SH3TC2: variants seen among roughly 807,000 people sequenced by gnomAD.
SH3TC2 encodes SH3 domain and tetratricopeptide repeat-containing protein 2.
Under a neutral mutation model 124.5 loss-of-function variants are expected in SH3TC2, and 87 were observed. The observed-to-expected ratio is 0.70, with a 90% CI of 0.59 to 0.84. SH3TC2 has a LOEUF of 0.84. SH3TC2 is among the 40% of genes least tolerant of loss of function. The pLI is 0.00. For missense variants in SH3TC2, 1,536 were observed against 1,566.4 expected, an observed-to-expected ratio of 0.98 and a Z score of 0.33; for synonymous variants, 634 against 628.5, an observed-to-expected ratio of 1.01 and a Z score of -0.13.
chr5:148,999,371 C>T lies in SH3TC2; in HGVS notation c.*5340G>A, dbSNP rs748113593. 9.2e-5 allele frequency among the ~76,000 whole-genome samples: 14 copies of T among 152,198 alleles called. No individual in the cohort carries two copies. Among genetic ancestry groups the T allele is most frequent in the Non-Finnish European group, 1.9e-4 (13 of 68,048 alleles). The stretch of plus-strand genomic sequence containing the variant: ...AAGTTAATTAATTTGCAGAAGGTCA[C>T]ACAGCTAGTAAGAAACAGATTCTAA... On this transcript the variant is annotated 3_prime_UTR_variant, in exon 17 of 17. Transcript: ENST00000515425.
At position 149,007,072 on chromosome 5, in the gene SH3TC2, G is replaced by A; in HGVS notation, c.3484C>T (p.Gln1162Ter). The change falls in exon 16 of 17, where the codon CAG becomes TAG. Residue 1162 changes from glutamine (Q) to a stop codon, truncating the protein, a stop_gained. Coordinates refer to ENST00000515425, the MANE Select transcript of SH3TC2 (RefSeq NM_024577.4). LOFTEE classifies it high-confidence loss of function. ...AARLSTVTGD[Q>*]RQELVAFHRL... is the part of the protein sequence containing the mutation. ...TGAAAGGCCACCAGCTCTTGCCTCT[G>A]ATCTCCTAAGAATTGGAAGACTGAG... 1 of 1,614,106 alleles carries A rather than the reference G, an allele frequency of 6.2e-7. No homozygotes were observed. The highest frequency in any genetic ancestry group is 8.5e-7 in the Non-Finnish European group (1 of 1,179,972).
chr5:149,040,710 G>A lies in SH3TC2; in HGVS notation c.732-33C>T, dbSNP rs1016010368. 10 of 1,589,512 alleles carry A rather than the reference G, an allele frequency of 6.3e-6. No individual in the cohort carries two copies. The Admixed American group carries it at 8.3e-5, about 13-fold the overall frequency. ...TGAAAACATGGGGTTTGCAAACACA[G>A]ATTTCAAAAAATTGCAACAATGAAC... On this transcript the variant is annotated intron_variant, in intron 6 of 16. Transcript: ENST00000515425.
At chr5:149,048,251 G>A (rs1040756238) in intron 2 of SH3TC2, among the ~76,000 whole-genome samples, 5 of 152,112 alleles carry the variant, frequency 3.3e-5, no homozygotes, top group South Asian at 4.1e-4. Context: ...TGCTTTGTAC[G>A]GGGTTTATTC....
chr5:149,019,544 A>G (rs1240640807), intron 12 of SH3TC2, among the ~76,000 whole-genome samples: 2 of 152,214 alleles, frequency 1.3e-5, no homozygotes, highest in Admixed American at 6.5e-5. Flanking sequence ...TTAAAACTAT[A>G]AACTATTCAA....
rs1018335769 is a variant in SH3TC2 at position 148,992,605 on chromosome 5, T to G, written c.*12106A>C. On this transcript the variant is annotated 3_prime_UTR_variant, in exon 17 of 17. Coordinates refer to ENST00000515425, the MANE Select transcript of SH3TC2 (RefSeq NM_024577.4). Reference sequence around the variant, plus strand: ...TCCAAGAAGAGATTTCATTGGTTTTTTTTTTTTTTTTTTTTTTCAGATTTT... The same window carrying G: ...TCCAAGAAGAGATTTCATTGGTTTTGTTTTTTTTTTTTTTTTTCAGATTTT... Among the ~76,000 whole-genome samples, 115 of 122,104 alleles carry G rather than the reference T, an allele frequency of 9.4e-4. No individual in the cohort carries two copies. The highest frequency in any genetic ancestry group is 3.7e-3 in the African/African-American group (110 of 29,474). 80.1% of individuals were successfully genotyped at this position (122,104 alleles called of 152,430 possible).
intron 13 of SH3TC2, among the ~76,000 whole-genome samples, chr5:149,011,864 A>C (rs1047586553): frequency 2.0e-5 from 3 of 152,250 alleles, no homozygotes; most frequent in Admixed American, 1.3e-4. Flanking sequence ...TACAGATAGT[A>C]ATAAAACACT....
At chr5:149,007,154 AC>A in intron 15 of SH3TC2, 77 bp from the exon 16 acceptor site, 1 of 1,463,550 alleles carries the variant, frequency 6.8e-7, no homozygotes, top group Non-Finnish European at 9.6e-7. Flanking sequence ...ATTCCATAAA[AC>A]TTTTTGAAGG....
chr5:149,037,540 C>G (rs43147), intron 8 of SH3TC2, among the ~76,000 whole-genome samples: 34,986 of 152,164 alleles, frequency 0.23, 4,435 homozygotes, highest in African/African-American at 0.32. Flanking sequence ...TTAGACATTT[C>G]TGGGGCCACA....
Position 148,987,795 on chromosome 5 carries a change from G to A in SH3TC2, c.*16916C>T, listed in dbSNP as rs1156819348. Among the ~76,000 whole-genome samples the A allele has an allele frequency of 6.7e-6, 1 of 148,180 alleles. No homozygotes were observed. The highest frequency in any genetic ancestry group is 6.8e-5 in the Admixed American group (1 of 14,750). On this transcript the variant is annotated 3_prime_UTR_variant, in exon 17 of 17. Transcript: ENST00000515425. ...TCACCAAGTCATGTCCTCACTCGAG[G>A]CCTCATTCAAAATCTGTGTGTGTGT... is the stretch of plus-strand genomic sequence containing the variant.
At chr5:149,041,745 A>G (rs1754376087) in intron 5 of SH3TC2, 128 bp from the exon 6 acceptor site, 2 of 987,950 alleles carry the variant, frequency 2.0e-6, no homozygotes, top group Non-Finnish European at 3.1e-6. Context: ...TAGACGTTTC[A>G]CAGGGGAGAC....
Position 149,031,738 on chromosome 5 carries a change from C to T in SH3TC2, c.1002-51G>A, listed in dbSNP as rs1474779293. ...ACAGATTACTGCAAGGCTTCAGACT[C>T]CATCTCCTCTTCTCTCCACACTAGG... On this transcript the variant is annotated intron_variant, in intron 8 of 16. Transcript: ENST00000515425. 8.7e-6 allele frequency: 14 copies of T among 1,610,946 alleles called. No homozygotes were observed. The Admixed American group carries it at 1.7e-4, about 19-fold the overall frequency.
chr5:149,018,181 T>C (rs1753906953), intron 12 of SH3TC2, among the ~76,000 whole-genome samples: 1 of 152,156 alleles, frequency 6.6e-6, no homozygotes, highest in South Asian at 2.1e-4. Flanking sequence ...CTGAGATTTA[T>C]ATATGGCTTA....
At chr5:149,031,462 T>C in intron 9 of SH3TC2, 92 bp downstream of exon 9, 1 of 1,553,128 alleles carries the variant, frequency 6.4e-7, no homozygotes, top group Non-Finnish European at 8.9e-7. Flanking sequence ...TGAATAGGAT[T>C]AGAATTTAGG....
At chr5:149,044,010 C>T (rs28173) in intron 4 of SH3TC2, 43,991 of 157,684 alleles carry the variant, frequency 0.28, 6,810 homozygotes, top group African/African-American at 0.39. Context: ...GTGGAACTGA[C>T]GCTGCATCCC....
At chr5:149,038,718 C>T (rs540573227) in intron 7 of SH3TC2, among the ~76,000 whole-genome samples, 1 of 152,140 alleles carries the variant, frequency 6.6e-6, no homozygotes, top group African/African-American at 2.4e-5. Flanking sequence ...TCCACTTTCA[C>T]CAAAGAAAAA....
chr5:149,044,629 C>T lies in SH3TC2; in HGVS notation c.289G>A (p.Ala97Thr), dbSNP rs562689036. The change falls in exon 4 of 17, where the codon GCA becomes ACA. Residue 97 changes from alanine (A) to threonine (T), a missense_variant. By Grantham distance (58) the Ala-to-Thr change is moderately conservative. Coordinates refer to ENST00000515425, the MANE Select transcript of SH3TC2 (RefSeq NM_024577.4). ...EVRMLFKDLS[A>T]RLVSIQSQRA... Reference sequence around the variant, plus strand: ...TGAGACTGGATACTGACCAACCTTGCTGAGAGGTCCTACGTAAAGGAAACA... The same window carrying T: ...TGAGACTGGATACTGACCAACCTTGTTGAGAGGTCCTACGTAAAGGAAACA... 3.8e-5 allele frequency: 61 copies of T among 1,613,874 alleles called. No homozygotes were observed. The South Asian group carries it at 6.4e-4, about 17-fold the overall frequency.
At chr5:149,020,126 A>ACACACACACACG (rs1393360182) in intron 12 of SH3TC2, among the ~76,000 whole-genome samples, 2 of 151,878 alleles carry the variant, frequency 1.3e-5, no homozygotes, top group Non-Finnish European at 2.9e-5. Flanking sequence ...ACACACACAC[A>ACACACACACACG]CACACACACA....
At chr5:149,033,191 C>T (rs1438536644) in intron 8 of SH3TC2, among the ~76,000 whole-genome samples, 2 of 152,104 alleles carry the variant, frequency 1.3e-5, no homozygotes, top group African/African-American at 4.8e-5. Flanking sequence ...GCGTGCATTG[C>T]CTCACAACAT....
chr5:149,051,369 C>A (rs140669366), intron 2 of SH3TC2, among the ~76,000 whole-genome samples: 5,114 of 152,262 alleles, frequency 0.034, 117 homozygotes, highest in Middle Eastern at 0.051. Flanking sequence ...TTACGCAGAA[C>A]CTACTACATA....
Sources: allele counts gnomAD v4.1 joint callset (sites outside exome capture counted in the v4.1 genomes callset), GRCh38; gene constraint gnomAD v4.1.1; transcripts MANE v1.5; gene names NCBI Gene and HGNC (gene_info 2026-07-23, HGNC 2026-07-21).